The following RAB27A variants were observed in gnomAD, a reference collection of about 807,000 sequenced individuals.
The protein encoded by RAB27A is ras-related protein Rab-27A.
RAB27A carries 17 observed loss-of-function variants against 20.8 expected under a neutral mutation model. The ratio of observed to expected loss-of-function variants is 0.82; its 90% CI spans 0.56 to 1.23. RAB27A has a LOEUF of 1.23. RAB27A is among the 50% of genes most tolerant of loss of function. RAB27A has a pLI of 0.00. For missense variants in RAB27A, 277 were observed against 266.7 expected (o/e 1.04, Z -0.27); for synonymous variants, 85 against 92.8 (o/e 0.92, Z 0.48).
intron 3 of RAB27A, among the ~76,000 whole-genome samples, chr15:55,230,927 G>C (rs1896007906): frequency 6.6e-6 from 1 of 152,062 alleles, no homozygotes; most frequent in South Asian, 2.1e-4. Flanking sequence ...CCCAAACAGT[G>C]AATGTAGTAC....
chr15:55,312,384 T>C (rs1400457019), intron 2 of RAB27A, among the ~76,000 whole-genome samples: 1 of 152,154 alleles, frequency 6.6e-6, no homozygotes, highest in Non-Finnish European at 1.5e-5. Flanking sequence ...GCCCTGAACA[T>C]ATATTTTCAA....
intron 2 of RAB27A, among the ~76,000 whole-genome samples, chr15:55,295,233 T>C (rs2054943673): frequency 6.6e-6 from 1 of 151,812 alleles, no homozygotes; most frequent in South Asian, 2.1e-4. Context: ...GAAAGAAGGG[T>C]GATTTGGCAA....
intron 6 of RAB27A, among the ~76,000 whole-genome samples, chr15:55,210,661 G>T (rs533006933): frequency 3.5e-4 from 53 of 152,048 alleles, no homozygotes; most frequent in Middle Eastern, 3.4e-3. Context: ...ATATATTCTC[G>T]TTATTAATCC....
At chr15:55,206,458 C>T (rs1894657068) in intron 6 of RAB27A, 1 of 155,350 alleles carries the variant, frequency 6.4e-6, no homozygotes. Flanking sequence ...CCTCCTACCT[C>T]AGCTTTCCAA....
At chr15:55,280,258 C>A (rs1010733871) in intron 1 of RAB27A, among the ~76,000 whole-genome samples, 3 of 151,976 alleles carry the variant, frequency 2.0e-5, no homozygotes, top group African/African-American at 7.2e-5. Flanking sequence ...GATTTGAGTT[C>A]TATCTTCCCA....
At chr15:55,259,881 C>G (rs1897212451) in intron 2 of RAB27A, 1 of 152,106 alleles carries the variant, frequency 6.6e-6, no homozygotes, top group Admixed American at 6.5e-5. Flanking sequence ...TCACTATGAC[C>G]CTAAAATATA....
chr15:55,217,494 T>G (rs1040101098), intron 6 of RAB27A, among the ~76,000 whole-genome samples: 3 of 139,214 alleles, frequency 2.2e-5, no homozygotes, highest in Non-Finnish European at 4.6e-5. Context: ...ACCTCGTCTT[T>G]ACTAAAAAAA....
chr15:55,231,264 G>A (rs1244153913), intron 3 of RAB27A, among the ~76,000 whole-genome samples: 1 of 152,164 alleles, frequency 6.6e-6, no homozygotes, highest in Non-Finnish European at 1.5e-5. Flanking sequence ...ATTGTGAATA[G>A]TGCTGCAATA....
At chr15:55,220,820 T>C in intron 6 of RAB27A, among the ~76,000 whole-genome samples, 1 of 152,160 alleles carries the variant, frequency 6.6e-6, no homozygotes, top group Non-Finnish European at 1.5e-5. Context: ...ATTTGTGAAA[T>C]GCATGTGAAC....
At position 55,224,004 on chromosome 15, in the gene RAB27A, G is replaced by T. The variant is rs104894500; in HGVS notation, c.352C>A (p.Gln118Lys). 1 of 1,576,478 alleles carries T rather than the reference G, an allele frequency of 6.3e-7. No individual in the cohort carries two copies. The highest frequency in any genetic ancestry group is 1.7e-5 in the Admixed American group (1 of 59,954). Residue 118 changes from glutamine to lysine, a missense_variant, in exon 6 of 7, where the codon CAG becomes AAG. Gln to Lys is a moderately conservative substitution (Grantham distance 53). Transcript: ENST00000336787. ...LNVRNWISQLQMHAYCENPDI... is the reference protein window; with the variant it reads ...LNVRNWISQLKMHAYCENPDI... ...GGGTTTTCACAATATGCATGCATCT[G>T]TAGCTGGCCTATTAATATAAGAAAG...
At chr15:55,250,155 C>T (rs977896076) in intron 2 of RAB27A, among the ~76,000 whole-genome samples, 37 of 151,870 alleles carry the variant, frequency 2.4e-4, no homozygotes, top group African/African-American at 8.2e-4. Context: ...GTAGAGATGG[C>T]GTTTCACTAT....
chr15:55,241,337 C>T (rs1257993969), intron 2 of RAB27A, among the ~76,000 whole-genome samples: 1 of 151,918 alleles, frequency 6.6e-6, no homozygotes, highest in Non-Finnish European at 1.5e-5. Flanking sequence ...GCTCACTTCT[C>T]TCTCTCCTCC....
intron 2 of RAB27A, among the ~76,000 whole-genome samples, chr15:55,253,036 GCAGT>G (rs1896950640): frequency 6.6e-6 from 1 of 152,006 alleles, no homozygotes; most frequent in Non-Finnish European, 1.5e-5. Flanking sequence ...GGAGGCTGAG[GCAGT>G]AGAATCACTT....
chr15:55,235,370 C>T (rs1379878921), intron 2 of RAB27A, among the ~76,000 whole-genome samples: 2 of 152,032 alleles, frequency 1.3e-5, no homozygotes, highest in Non-Finnish European at 2.9e-5. Flanking sequence ...ATCACTTGAA[C>T]CTGGGAGGTG....
chr15:55,232,175 G>T (rs576671916), intron 3 of RAB27A, among the ~76,000 whole-genome samples: 1 of 152,156 alleles, frequency 6.6e-6, no homozygotes, highest in Non-Finnish European at 1.5e-5. Context: ...AAAAAGCTAA[G>T]AGACTTATTA....
At chr15:55,264,565 C>T (rs1897393157) in intron 2 of RAB27A, among the ~76,000 whole-genome samples, 1 of 152,108 alleles carries the variant, frequency 6.6e-6, no homozygotes, top group African/African-American at 2.4e-5. Flanking sequence ...GTAGTGTTCA[C>T]AACACATAGG....
chr15:55,269,352 T>A (rs987477025), intron 2 of RAB27A, among the ~76,000 whole-genome samples: 2 of 152,246 alleles, frequency 1.3e-5, no homozygotes. Context: ...AATACCCTTA[T>A]CAAACCTAAC....
At chr15:55,232,869 C>T (rs78076167) in intron 3 of RAB27A, among the ~76,000 whole-genome samples, 7,063 of 152,198 alleles carry the variant, frequency 0.046, 583 homozygotes, top group African/African-American at 0.16. Flanking sequence ...TGCCTGTAAT[C>T]CCTCAGCACT....
chr15:55,293,777 C>T (rs2054935065), upstream of RAB27A, among the ~76,000 whole-genome samples: 2 of 152,090 alleles, frequency 1.3e-5, no homozygotes, highest in South Asian at 2.1e-4. Context: ...TTTAGCCGGG[C>T]GTGGTGGTGG....
Sources: gnomAD v4.1 joint callset for allele counts (sites outside exome capture counted in the v4.1 genomes callset) on GRCh38, gnomAD v4.1.1 for gene constraint, MANE v1.5 for transcripts, NCBI Gene and HGNC (gene_info 2026-07-23, HGNC 2026-07-21) for gene names.